Variants in NETO1 observed in about 807,000 individuals in gnomAD.
NETO1 encodes the protein neuropilin and tolloid-like protein 1.
Under a neutral mutation model 61.3 loss-of-function variants are expected in NETO1, and 26 were observed. The ratio of observed to expected loss-of-function variants is 0.42; its 90% CI spans 0.31 to 0.59. NETO1 has a LOEUF of 0.59. Among genes scored for constraint, NETO1 ranks in the 20% least tolerant of loss-of-function variants. The pLI is 0.12. For synonymous variants in NETO1, 225 were observed against 225.8 expected (o/e 1.00, Z 0.03); for missense variants, 531 against 662.8 (o/e 0.80, Z 2.18).
At chr18:72,783,434 G>GAATAGT (rs1319157436) in intron 7 of NETO1, among the ~76,000 whole-genome samples, 1 of 152,182 alleles carries the variant, frequency 6.6e-6, no homozygotes, top group Non-Finnish European at 1.5e-5. Flanking sequence ...TTTCCCAGTT[G>GAATAGT]AATAGTGTGA....
rs2070543334 is a variant in NETO1 at position 72,750,125 on chromosome 18, T to C, written c.1478A>G (p.Asp493Gly). ...GGTGGTCGGCACCTCTTCGATTTCATCTATGTCACAGGCATCTGCAGCATC... is the reference window on the plus strand; with the variant it reads ...GGTGGTCGGCACCTCTTCGATTTCACCTATGTCACAGGCATCTGCAGCATC... ...SQDAADACDI[D>G]EIEEVPTTSH... Residue 493 changes from aspartate to glycine, a missense_variant, in exon 9 of 11, where the codon GAT (aspartate) becomes GGT (glycine). Asp to Gly is a moderately conservative substitution (Grantham distance 94, BLOSUM62 -1). Transcript: ENST00000327305. 5.0e-6 allele frequency: 8 copies of C among 1,613,316 alleles called. No homozygotes were observed. The highest frequency in any genetic ancestry group is 6.8e-6 in the Non-Finnish European group (8 of 1,179,754).
chr18:72,801,099 G>A (rs901074178), intron 4 of NETO1, among the ~76,000 whole-genome samples: 1 of 152,072 alleles, frequency 6.6e-6, no homozygotes, highest in Non-Finnish European at 1.5e-5. Flanking sequence ...TCGCAGGCTG[G>A]GTGCTTACAA....
chr18:72,821,840 T>G (rs1186676242), intron 4 of NETO1, among the ~76,000 whole-genome samples: 4 of 152,202 alleles, frequency 2.6e-5, no homozygotes, highest in Non-Finnish European at 4.4e-5. Flanking sequence ...TATTAAAATG[T>G]CTTTCTAAAA....
intron 8 of NETO1, 83 bp downstream of exon 8, chr18:72,755,951 A>C: frequency 1.5e-6 from 1 of 688,094 alleles, no homozygotes; most frequent in Non-Finnish European, 2.6e-6. Context: ...CTTATTTTAA[A>C]GACTGTCTGA....
At chr18:72,859,386 G>A (rs1287718448) in intron 3 of NETO1, among the ~76,000 whole-genome samples, 2 of 152,158 alleles carry the variant, frequency 1.3e-5, no homozygotes, top group Non-Finnish European at 2.9e-5. Context: ...GAGTTAGAAG[G>A]TCAAGGAATA....
At chr18:72,796,062 T>C (rs890997557) in intron 4 of NETO1, among the ~76,000 whole-genome samples, 27 of 152,322 alleles carry the variant, frequency 1.8e-4, no homozygotes, top group African/African-American at 5.3e-4. Flanking sequence ...TTACAATCTT[T>C]TAAAGTTAGA....
At chr18:72,787,930 T>TG (rs1487710660) in intron 6 of NETO1, among the ~76,000 whole-genome samples, 3 of 152,124 alleles carry the variant, frequency 2.0e-5, no homozygotes, top group African/African-American at 7.2e-5. Flanking sequence ...CTTCTTCTAA[T>TG]GAGCTAGAAA....
At chr18:72,821,926 C>T (rs1453985523) in intron 4 of NETO1, among the ~76,000 whole-genome samples, 2 of 152,156 alleles carry the variant, frequency 1.3e-5, no homozygotes, top group East Asian at 3.9e-4. Flanking sequence ...AACTGGGTTA[C>T]AGACTTGGCT....
intron 4 of NETO1, among the ~76,000 whole-genome samples, chr18:72,817,016 G>A (rs557978837): frequency 3.3e-5 from 5 of 152,188 alleles, no homozygotes; most frequent in Admixed American, 1.3e-4. Context: ...GGCACCCTCC[G>A]GTACGTCTAT....
chr18:72,812,596 A>G (rs1427175358), intron 4 of NETO1, among the ~76,000 whole-genome samples: 2 of 151,928 alleles, frequency 1.3e-5, no homozygotes, highest in Non-Finnish European at 2.9e-5. Context: ...TACTTTTTTT[A>G]TTCTCAATTC....
rs2070887038 is a variant in NETO1, at chr18:72,759,152, GC to G, written c.869-3006del. On this transcript the variant is annotated intron_variant, in intron 7 of 10. Transcript: ENST00000327305. Reference sequence around the variant, plus strand: ...CAATGTGTGTAGCCCATTGCTCCTAGCACACTCCTGACCTATCCGGCACCGT... The same window carrying G: ...CAATGTGTGTAGCCCATTGCTCCTAGACACTCCTGACCTATCCGGCACCGT... Among the ~76,000 whole-genome samples, 2 of 151,990 alleles carry G rather than the reference GC, an allele frequency of 1.3e-5. 1 individual carries two copies. The highest frequency in any genetic ancestry group is 4.1e-4 in the South Asian group (2 of 4,824).
intron 4 of NETO1, among the ~76,000 whole-genome samples, chr18:72,817,402 C>A (rs375224114): frequency 6.6e-6 from 1 of 152,228 alleles, no homozygotes. Context: ...CGCAGCCATT[C>A]CAGTGCTCAG....
rs146136358 is a variant in NETO1 at position 72,832,074 on chromosome 18, C to A, written c.469+26752G>T. On this transcript the variant is annotated intron_variant, in intron 4 of 10. Coordinates refer to ENST00000327305, the MANE Select transcript of NETO1 (RefSeq NM_138966.5). ...TCCCTAAGTAGGATATAAATAGTGT[C>A]TGATTTTCAATTATTTGTTAACTCT... Among the ~76,000 whole-genome samples the A allele has an allele frequency of 1.2e-3, 188 of 152,244 alleles. 1 individual carries two copies. The South Asian group carries it at 0.023, about 18-fold the overall frequency.
rs570254336 is a variant in NETO1 at position 72,829,359 on chromosome 18, C to G, written c.469+29467G>C. 3.7e-4 allele frequency among the ~76,000 whole-genome samples: 56 copies of G among 152,162 alleles called. No individual in the cohort carries two copies. In the South Asian group the frequency reaches 0.011, roughly 31 times the overall value. On this transcript the variant is annotated intron_variant, in intron 4 of 10. Transcript: ENST00000327305. ...TCAATCTTGATTTTCCTTAAAGAAA[C>G]TTAAAAAGTTAATTATTAACTGTTT...
intron 4 of NETO1, among the ~76,000 whole-genome samples, chr18:72,851,509 A>T (rs2074249404): frequency 6.6e-6 from 1 of 152,230 alleles, no homozygotes; most frequent in Non-Finnish European, 1.5e-5. Context: ...CATGTGAGCC[A>T]CAAGTTTCAA....
chr18:72,844,043 C>A (rs185147860), intron 4 of NETO1, among the ~76,000 whole-genome samples: 1 of 152,352 alleles, frequency 6.6e-6, no homozygotes, highest in African/African-American at 2.4e-5. Context: ...TTCTAAATAT[C>A]TGACATGCTC....
At chr18:72,789,298 C>T (rs1023905939) in intron 6 of NETO1, among the ~76,000 whole-genome samples, 4 of 151,382 alleles carry the variant, frequency 2.6e-5, no homozygotes, top group Non-Finnish European at 4.4e-5. Flanking sequence ...AATTTTCTGG[C>T]ATATATAAAC....
At chr18:72,772,825 CTATA>C (rs59339805) in intron 7 of NETO1, among the ~76,000 whole-genome samples, 198 of 40,382 alleles carry the variant, frequency 4.9e-3, no homozygotes, top group East Asian at 0.014. Context: ...CTCTCTCTCT[CTATA>C]TATATATATA....
rs139762806 is a variant in NETO1, at chr18:72,800,015, C to T, written c.470-5611G>A. Among the ~76,000 whole-genome samples, 990 of 152,290 alleles carry T rather than the reference C, an allele frequency of 6.5e-3. 9 individuals carry two copies. Among genetic ancestry groups the T allele is most frequent in the Admixed American group, 0.018 (272 of 15,300 alleles). ...AAACTGGAATTATGGGAGTGAACAA[C>T]GGAATTTCTGACATCTTTCAAACAT... On this transcript the variant is annotated intron_variant, in intron 4 of 10. Coordinates refer to ENST00000327305, the MANE Select transcript of NETO1 (RefSeq NM_138966.5).
Sources: gnomAD v4.1 joint callset for allele counts (sites outside exome capture counted in the v4.1 genomes callset) on GRCh38, gnomAD v4.1.1 for gene constraint, MANE v1.5 for transcripts, NCBI Gene and HGNC (gene_info 2026-07-23, HGNC 2026-07-21) for gene names.